ALK: variants seen among roughly 807,000 people sequenced by gnomAD.
The protein encoded by ALK is ALK tyrosine kinase receptor.
ALK carries 74 observed loss-of-function variants against 163.1 expected under a neutral mutation model. The ratio of observed to expected loss-of-function variants is 0.45; its 90% CI spans 0.38 to 0.55. The LOEUF is 0.55. Among genes scored for constraint, ALK ranks in the 20% least tolerant of loss-of-function variants. ALK has a pLI of 0.00. For missense variants in ALK, 2,063 were observed against 2,105.3 expected (o/e 0.98, Z 0.39); for synonymous variants, 960 against 843.2 (o/e 1.14, Z -2.40).
Position 29,206,061 on chromosome 2 carries a change from T to G in ALK, c.3938+1110A>C, listed in dbSNP as rs144922566. On this transcript the variant is annotated intron_variant, in intron 26 of 28. Coordinates refer to ENST00000389048, the MANE Select transcript of ALK (RefSeq NM_004304.5). ...CTTCAGAGAGAGAGCCCAAGTCTTG[T>G]GCTGATGGTAGATAAGGGACAGCCA... Among the ~76,000 whole-genome samples, 38 of 152,270 alleles carry G rather than the reference T, an allele frequency of 2.5e-4. No individual in the cohort carries two copies. The Middle Eastern group carries it at 0.01, about 41-fold the overall frequency.
At chr2:29,377,632 C>T (rs1406860343) in intron 5 of ALK, among the ~76,000 whole-genome samples, 1 of 152,162 alleles carries the variant, frequency 6.6e-6, no homozygotes, top group Non-Finnish European at 1.5e-5. Flanking sequence ...ATTTTATATA[C>T]TGGGCTTCCA....
chr2:29,808,915 A>G (rs949049872), intron 1 of ALK, among the ~76,000 whole-genome samples: 1 of 152,208 alleles, frequency 6.6e-6, no homozygotes, highest in Non-Finnish European at 1.5e-5. Flanking sequence ...ATCTTTATGT[A>G]CAGCTTCCTA....
In ALK at chr2:29,853,983, C is replaced by T. The variant is rs564082698; in HGVS notation, c.667+66010G>A. 3.3e-4 allele frequency among the ~76,000 whole-genome samples: 50 copies of T among 151,636 alleles called. No individual in the cohort carries two copies. The South Asian group carries it at 6.9e-3, about 21-fold the overall frequency. On this transcript the variant is annotated intron_variant, in intron 1 of 28. Coordinates refer to ENST00000389048, the MANE Select transcript of ALK (RefSeq NM_004304.5). ...GGAGTGCAGTGGCACGATCTGGGCT[C>T]GCTACAACCTTCACCTCCTGGATTC...
intron 24 of ALK, among the ~76,000 whole-genome samples, chr2:29,210,272 A>G (rs1395110544): frequency 6.6e-6 from 1 of 152,222 alleles, no homozygotes; most frequent in Non-Finnish European, 1.5e-5. Context: ...AAGTAAGCTA[A>G]AAGTAGATAA....
At chr2:29,875,866 T>C (rs1666691946) in intron 1 of ALK, among the ~76,000 whole-genome samples, 1 of 152,244 alleles carries the variant, frequency 6.6e-6, no homozygotes, top group African/African-American at 2.4e-5. Context: ...GTCTTTGCTA[T>C]TGTAAATAGT....
intron 4 of ALK, among the ~76,000 whole-genome samples, chr2:29,460,140 C>A (rs533734394): frequency 3.3e-4 from 50 of 152,282 alleles, no homozygotes; most frequent in African/African-American, 1.2e-3. Flanking sequence ...GATGTGGGGG[C>A]TGAGCTCCTG....
At chr2:29,352,330 AT>A (rs1392017127) in intron 5 of ALK, among the ~76,000 whole-genome samples, 1 of 152,226 alleles carries the variant, frequency 6.6e-6, no homozygotes, top group African/African-American at 2.4e-5. Context: ...TGCCTTTAAA[AT>A]CTGTGTGGGG....
chr2:29,515,477 T>G (rs963773893), intron 4 of ALK, among the ~76,000 whole-genome samples: 3 of 151,900 alleles, frequency 2.0e-5, no homozygotes, highest in African/African-American at 7.3e-5. Flanking sequence ...AATGGATGAA[T>G]GAGTGAATGA....
intron 4 of ALK, among the ~76,000 whole-genome samples, chr2:29,446,801 G>T (rs1190983950): frequency 1.3e-5 from 2 of 152,166 alleles, no homozygotes; most frequent in African/African-American, 4.8e-5. Flanking sequence ...GTGGCCAAAG[G>T]CTGTCTGTAT....
intron 3 of ALK, among the ~76,000 whole-genome samples, chr2:29,688,163 G>T (rs578112291): frequency 1.3e-5 from 2 of 152,310 alleles, no homozygotes; most frequent in East Asian, 1.9e-4. Flanking sequence ...GAACACAGGG[G>T]CTAGAGCTGT....
intron 1 of ALK, among the ~76,000 whole-genome samples, chr2:29,778,491 G>C (rs1015082418): frequency 6.6e-6 from 1 of 152,166 alleles, no homozygotes; most frequent in South Asian, 2.1e-4. Flanking sequence ...GATGGTTCAG[G>C]TTGGCCGCCA....
intron 3 of ALK, among the ~76,000 whole-genome samples, chr2:29,590,847 G>A (rs534923477): frequency 2.0e-5 from 3 of 151,642 alleles, no homozygotes; most frequent in African/African-American, 7.3e-5. Flanking sequence ...CGAGACGGGC[G>A]GATCACGAGG....
intron 4 of ALK, among the ~76,000 whole-genome samples, chr2:29,423,918 T>C (rs752723603): frequency 1.3e-5 from 2 of 152,228 alleles, no homozygotes; most frequent in Non-Finnish European, 2.9e-5. Flanking sequence ...TAGCATTTTC[T>C]TTGACCAGCA....
At chr2:29,775,618 G>A (rs979983937) in intron 1 of ALK, among the ~76,000 whole-genome samples, 4 of 152,002 alleles carry the variant, frequency 2.6e-5, no homozygotes, top group Admixed American at 6.6e-5. Flanking sequence ...GCAGTGCTTA[G>A]TTAATCACTT....
At chr2:29,300,053 C>T (rs1283568795) in intron 8 of ALK, among the ~76,000 whole-genome samples, 15 of 152,164 alleles carry the variant, frequency 9.9e-5, no homozygotes, top group Admixed American at 9.8e-4. Flanking sequence ...CATCGGGTGG[C>T]CTACACTCCC....
intron 4 of ALK, among the ~76,000 whole-genome samples, chr2:29,487,664 T>G (rs752724756): frequency 6.6e-6 from 1 of 152,180 alleles, no homozygotes; most frequent in African/African-American, 2.4e-5. Flanking sequence ...CATTTTGCCC[T>G]AGCTCACATG....
chr2:29,384,771 T>G (rs996118791), intron 4 of ALK, among the ~76,000 whole-genome samples: 3 of 152,166 alleles, frequency 2.0e-5, no homozygotes, highest in African/African-American at 7.2e-5. Context: ...TGAGGTATAA[T>G]TGATGTATAA....
At chr2:29,794,788 A>G (rs977730036) in intron 1 of ALK, among the ~76,000 whole-genome samples, 1 of 152,188 alleles carries the variant, frequency 6.6e-6, no homozygotes, top group Non-Finnish European at 1.5e-5. Context: ...TTAGAAGAGT[A>G]ACATCAATGA....
At chr2:29,862,577 T>C (rs1007248098) in intron 1 of ALK, among the ~76,000 whole-genome samples, 10 of 152,124 alleles carry the variant, frequency 6.6e-5, no homozygotes, top group Non-Finnish European at 1.3e-4. Context: ...ATGTGAAAGA[T>C]CTGAACACTG....
Sources: gnomAD v4.1 joint callset for allele counts (sites outside exome capture counted in the v4.1 genomes callset) on GRCh38, gnomAD v4.1.1 for gene constraint, MANE v1.5 for transcripts, NCBI Gene and HGNC (gene_info 2026-07-23, HGNC 2026-07-21) for gene names.